Variants in IPO7 observed in about 807,000 individuals in gnomAD.
The protein encoded by IPO7 is importin 7, also known as importin-7.
In IPO7, 13 loss-of-function variants were observed where a neutral mutation model predicts 136.4. The ratio of observed to expected loss-of-function variants is 0.10; its 90% CI spans 0.06 to 0.15. The LOEUF (loss-of-function observed/expected upper bound fraction) is 0.15, where lower values mean the gene tolerates loss of function less well. Among genes scored for constraint, IPO7 ranks in the 10% least tolerant of loss-of-function variants. The pLI, the probability that IPO7 is intolerant of heterozygous loss-of-function variation, is 1.00. For missense variants in IPO7, 857 were observed against 1,240.6 expected (o/e 0.69, Z 4.65); for synonymous variants, 403 against 404.4 (o/e 1.00, Z 0.04).
chr11:9,390,925 A>T (rs1334334807), intron 1 of IPO7, among the ~76,000 whole-genome samples: 1 of 150,944 alleles, frequency 6.6e-6, no homozygotes, highest in African/African-American at 2.4e-5. Context: ...GCCCGCCACC[A>T]CTCCTGGCTA....
intron 1 of IPO7, among the ~76,000 whole-genome samples, chr11:9,397,028 A>G (rs370619802): frequency 1.3e-4 from 19 of 151,674 alleles, no homozygotes; most frequent in African/African-American, 4.6e-4. Context: ...CCAAGTTACT[A>G]TTTTTCTGAC....
chr11:9,431,310 A>G lies in IPO7; in HGVS notation c.1881+307A>G, dbSNP rs141301243. ...TCTTTTTCTTTGAAAAATTTTGGTT[A>G]TACACATAGCATAAAATTTACAATC... On this transcript the variant is annotated intron_variant, in intron 16 of 24. Transcript: ENST00000379719. Among the ~76,000 whole-genome samples the G allele has an allele frequency of 1.4e-3, 211 of 152,264 alleles. 1 individual carries two copies. The highest frequency in any genetic ancestry group is 4.9e-3 in the African/African-American group (203 of 41,570).
intron 13 of IPO7, 194 bp downstream of exon 13, chr11:9,428,823 G>A (rs1208532387): frequency 1.3e-6 from 1 of 783,834 alleles, no homozygotes; most frequent in Non-Finnish European, 2.3e-6. Flanking sequence ...GTGTCTGTCT[G>A]TGTTTTTCAT....
intron 4 of IPO7, among the ~76,000 whole-genome samples, chr11:9,412,463 T>A (rs1854980302): frequency 6.6e-6 from 1 of 152,228 alleles, no homozygotes; most frequent in Admixed American, 6.5e-5. Flanking sequence ...CTTAGAATAA[T>A]GATTTCTATA....
rs75315783 is a variant in IPO7 at position 9,433,382 on chromosome 11, G to T, written c.1882-188G>T. 3.7e-3 allele frequency: 2,023 copies of T among 540,092 alleles called. 34 individuals are homozygous for T. The highest frequency in any genetic ancestry group is 0.035 in the African/African-American group (1,825 of 52,838). The allele number at this position is 540,092 out of a possible 1,614,324, so 33.5% of individuals were successfully genotyped here. On this transcript the variant is annotated intron_variant, in intron 16 of 24. Coordinates refer to ENST00000379719, the MANE Select transcript of IPO7 (RefSeq NM_006391.3). Reference sequence around the variant, plus strand: ...AGCCATTCCTTGTGTTTTTCTCATTGTAATGGTATTTCATTCTATTTTTAT... The same window carrying T: ...AGCCATTCCTTGTGTTTTTCTCATTTTAATGGTATTTCATTCTATTTTTAT...
intron 12 of IPO7, among the ~76,000 whole-genome samples, chr11:9,425,703 G>A (rs765330637): frequency 7.2e-5 from 11 of 151,930 alleles, no homozygotes; most frequent in Non-Finnish European, 1.5e-4. Context: ...GTGAAACCCC[G>A]TCTCTACTAA....
chr11:9,435,726 T>A (rs945121127), intron 19 of IPO7, among the ~76,000 whole-genome samples: 1 of 152,206 alleles, frequency 6.6e-6, no homozygotes, highest in Non-Finnish European at 1.5e-5. Context: ...TTTATACTCA[T>A]CTAGTTTTCA....
chr11:9,441,535 T>A (rs775740946), intron 23 of IPO7, among the ~76,000 whole-genome samples: 2 of 152,210 alleles, frequency 1.3e-5, no homozygotes, highest in Non-Finnish European at 2.9e-5. Flanking sequence ...TCTAAGCCCA[T>A]GACAAGGCAG....
chr11:9,416,312 C>G (rs1049699169), intron 5 of IPO7, among the ~76,000 whole-genome samples: 3 of 152,282 alleles, frequency 2.0e-5, no homozygotes, highest in Non-Finnish European at 4.4e-5. Context: ...CTAAGGGCAC[C>G]TTAATGCCAT....
intron 3 of IPO7, 91 bp from the exon 4 acceptor site, chr11:9,409,837 A>G (rs769362885): frequency 3.5e-5 from 33 of 934,182 alleles, no homozygotes; most frequent in Non-Finnish European, 4.9e-5. Flanking sequence ...TTGAAATTAG[A>G]TTTTGTCTAA....
chr11:9,429,597 ACT>A, intron 14 of IPO7, 75 bp from the exon 15 acceptor site: 6 of 1,191,186 alleles, frequency 5.0e-6, no homozygotes, highest in Non-Finnish European at 7.1e-6. Flanking sequence ...TTTTTAAAAA[ACT>A]CATCGATATT....
At chr11:9,433,930 T>C in intron 18 of IPO7, 84 bp downstream of exon 18, 1 of 1,411,958 alleles carries the variant, frequency 7.1e-7, no homozygotes, top group Non-Finnish European at 9.5e-7. Context: ...ACACTTTTTT[T>C]TTTTTTTTTT....
chr11:9,443,787 C>A (rs936873461), intron 24 of IPO7, among the ~76,000 whole-genome samples: 1 of 151,942 alleles, frequency 6.6e-6, no homozygotes, highest in Non-Finnish European at 1.5e-5. Context: ...GTAGTCCCAG[C>A]TACTTGGGAG....
chr11:9,412,186 C>T (rs963337653), intron 4 of IPO7, among the ~76,000 whole-genome samples: 2 of 152,116 alleles, frequency 1.3e-5, no homozygotes, highest in South Asian at 4.1e-4. Context: ...GTGTTAATAG[C>T]TTTAGCAGTC....
intron 5 of IPO7, among the ~76,000 whole-genome samples, chr11:9,415,957 T>A (rs1049176139): frequency 2.6e-5 from 4 of 152,268 alleles, no homozygotes; most frequent in Non-Finnish European, 5.9e-5. Flanking sequence ...TGTTGTATCA[T>A]GTACCATAGA....
At chr11:9,444,477 C>T (rs1277881211) in intron 24 of IPO7, among the ~76,000 whole-genome samples, 1 of 151,718 alleles carries the variant, frequency 6.6e-6, no homozygotes, top group Non-Finnish European at 1.5e-5. Flanking sequence ...GATTCTCGTG[C>T]CTCAGCTTCC....
chr11:9,430,204 G>C (rs912065122), intron 15 of IPO7, among the ~76,000 whole-genome samples: 1 of 152,102 alleles, frequency 6.6e-6, no homozygotes, highest in Non-Finnish European at 1.5e-5. Context: ...CTGGAGACTG[G>C]GGACCCCTGC....
chr11:9,425,434 C>G (rs1253855289), intron 12 of IPO7, 172 bp downstream of exon 12: 4 of 587,290 alleles, frequency 6.8e-6, no homozygotes, highest in Middle Eastern at 4.5e-4. Context: ...TAGTGATACC[C>G]CCATCTCTAT....
chr11:9,405,744 A>G (rs1026241752), intron 2 of IPO7, among the ~76,000 whole-genome samples: 5 of 152,196 alleles, frequency 3.3e-5, no homozygotes, highest in Non-Finnish European at 7.3e-5. Flanking sequence ...AAAAGCAAAC[A>G]ATTTTATGTA....
Sources: gnomAD v4.1 joint callset for allele counts (sites outside exome capture counted in the v4.1 genomes callset) on GRCh38, gnomAD v4.1.1 for gene constraint, MANE v1.5 for transcripts, NCBI Gene and HGNC (gene_info 2026-07-23, HGNC 2026-07-21) for gene names.